The following PCM1 variants were observed in gnomAD, a reference collection of about 807,000 sequenced individuals.
The protein encoded by PCM1 is pericentriolar material 1 protein.
A neutral mutation model predicts 241.9 loss-of-function variants in PCM1; 157 were observed. The observed-to-expected ratio is 0.65, with a 90% confidence interval of 0.57 to 0.74. PCM1 has a LOEUF of 0.74. Ranked by LOEUF, PCM1 falls within the 30% of genes least tolerant of loss-of-function variation. The probability of loss-of-function intolerance (pLI) is 0.00; values close to 1 mark genes in which losing one functional copy is unlikely to be tolerated. For missense variants in PCM1, 3,478 were observed against 2,360.1 expected (o/e 1.47, Z -9.81); for synonymous variants, 1,085 against 784.9 (o/e 1.38, Z -6.39).
At chr8:17,946,058 A>T (rs531060206) in intron 6 of PCM1, among the ~76,000 whole-genome samples, 1 of 152,120 alleles carries the variant, frequency 6.6e-6, no homozygotes, top group South Asian at 2.1e-4. Flanking sequence ...TCCAGGTTGT[A>T]TTTAAATTTG....
chr8:17,938,443 C>G (rs1206937500), intron 4 of PCM1, among the ~76,000 whole-genome samples: 7 of 152,124 alleles, frequency 4.6e-5, no homozygotes, highest in South Asian at 4.1e-4. Flanking sequence ...CCTAACACTT[C>G]TTGTCTGAAA....
chr8:17,997,971 G>C (rs1035594327), intron 29 of PCM1, among the ~76,000 whole-genome samples: 2 of 151,666 alleles, frequency 1.3e-5, no homozygotes, highest in Non-Finnish European at 2.9e-5. Context: ...GGGAGGCGGA[G>C]GTTGCAGTGA....
intron 35 of PCM1, 74 bp from the exon 36 acceptor site, chr8:18,014,510 G>A (rs1022414058): frequency 8.2e-7 from 1 of 1,221,172 alleles, no homozygotes; most frequent in African/African-American, 1.5e-5. Context: ...CAGGCGTATT[G>A]TCTTTATTAG....
rs1588876179 is a variant in PCM1 at position 18,026,165 on chromosome 8, G to GAAAAAAAAAAAA, written c.6049+510_6049+511insAAAAAAAAAAAA. ...GGTGAAAGAGCGAGACTCCCTCTCTGAAACAAAAAAAAAAAAAAAAAAAAA... is the reference window on the plus strand; with the variant it reads ...GGTGAAAGAGCGAGACTCCCTCTCTGAAAAAAAAAAAAAAACAAAAAAAAAAAAAAAAAAAAA... On this transcript the variant is annotated intron_variant, in intron 38 of 38. Transcript: ENST00000325083. Among the ~76,000 whole-genome samples, 2 of 3,574 alleles carry GAAAAAAAAAAAA rather than the reference G, an allele frequency of 5.6e-4. 1 individual carries two copies. Among genetic ancestry groups the GAAAAAAAAAAAA allele is most frequent in the Admixed American group, 8.3e-3 (2 of 240 alleles). 2.3% of individuals were successfully genotyped at this position (3,574 alleles called of 152,430 possible).
chr8:18,012,509 C>T (rs1472124038), intron 34 of PCM1, among the ~76,000 whole-genome samples: 1 of 152,008 alleles, frequency 6.6e-6, no homozygotes, highest in Admixed American at 6.6e-5. Context: ...TGGTGCTATC[C>T]ACAGTTTTGG....
intron 10 of PCM1, 190 bp downstream of exon 10, chr8:17,955,843 A>G: frequency 1.7e-6 from 1 of 590,950 alleles, no homozygotes; most frequent in East Asian, 2.8e-5. Context: ...ATGTGATGTA[A>G]CATAGTTTCT....
At position 17,953,206 on chromosome 8, in the gene PCM1, C is replaced by T. The variant is rs950711808; in HGVS notation, c.1288+20C>T. The stretch of plus-strand genomic sequence containing the variant: ...CATCATGTGAGTAAATCTGGTTCAG[C>T]AGTATTGGGTATAAGACACACAAGT... On this transcript the variant is annotated intron_variant, in intron 9 of 38. Transcript: ENST00000325083. 1.0e-5 allele frequency: 14 copies of T among 1,355,746 alleles called. No homozygotes were observed. The African/African-American group carries it at 1.1e-4, about 11-fold the overall frequency. The allele number at this position is 1,355,746 out of a possible 1,614,324, so 84.0% of individuals were successfully genotyped here.
At chr8:18,025,171 C>T (rs10503608) in intron 36 of PCM1, 190 bp from the exon 37 acceptor site, 8,886 of 165,094 alleles carry the variant, frequency 0.054, 976 homozygotes, top group African/African-American at 0.26. Context: ...ATGGTAACAG[C>T]TTGACAGTAT....
Position 17,928,616 on chromosome 8 carries a change from C to CTTTTTTTTTTTTTTTTTTTTTTTTTTT in PCM1, c.-23+3838_-23+3864dup, listed in dbSNP as rs71215287. ...TCTTCTGCATTTTTAGTATCTCCCTCTTTTTTTTTTTTTTTTTTTTTTTTT... is the reference window on the plus strand; with the variant it reads ...TCTTCTGCATTTTTAGTATCTCCCTCTTTTTTTTTTTTTTTTTTTTTTTTTTTTTTTTTTTTTTTTTTTTTTTTTTTT... On this transcript the variant is annotated intron_variant, in intron 2 of 38. Transcript: ENST00000325083. Among the ~76,000 whole-genome samples the CTTTTTTTTTTTTTTTTTTTTTTTTTTT allele has an allele frequency of 4.8e-5, 4 of 82,570 alleles. 2 individuals carry two copies. Among genetic ancestry groups the CTTTTTTTTTTTTTTTTTTTTTTTTTTT allele is most frequent in the Non-Finnish European group, 9.4e-5 (4 of 42,412 alleles). The allele number at this position is 82,570 out of a possible 152,430, so 54.2% of individuals were successfully genotyped here.
intron 22 of PCM1, among the ~76,000 whole-genome samples, chr8:17,971,326 C>T (rs73571774): frequency 0.033 from 5,033 of 152,222 alleles, 116 homozygotes; most frequent in African/African-American, 0.061. Flanking sequence ...TTGTTGTTCA[C>T]GCTAGGTTCT....
rs201336252 is a variant in PCM1 at position 17,957,405 on chromosome 8, C to G, written c.1788C>G (p.Asn596Lys). 3.7e-4 allele frequency: 604 copies of G among 1,612,262 alleles called. 10 individuals are homozygous for G. In the South Asian group the frequency reaches 6.1e-3, roughly 16 times the overall value. ...NRSAANIRAL[N>K]MPPSLDCRYN... ...CTGCTGCCAACATAAGGGCTCTAAA[C>G]ATGCCTCCTTCTTTAGGTATGACTG... The change falls in exon 12 of 39, where the codon AAC becomes AAG. Residue 596 changes from asparagine to lysine, a missense_variant. Transcript: ENST00000325083.
At chr8:17,983,300 G>A in intron 24 of PCM1, 1 of 1,319,396 alleles carries the variant, frequency 7.6e-7, no homozygotes, top group Non-Finnish European at 9.9e-7. Context: ...GTAACAATCT[G>A]CGTAGTTTTG....
intron 2 of PCM1, chr8:17,934,884 T>G (rs2060002349): frequency 6.6e-6 from 1 of 152,216 alleles, no homozygotes; most frequent in South Asian, 2.1e-4. Context: ...CCTTTCTTGA[T>G]TTTCACATGT....
In PCM1 at chr8:17,980,658, G is replaced by A. The variant is rs371537624; in HGVS notation, c.4011G>A (p.Gln1337=). 11 of 1,613,434 alleles carry A rather than the reference G, an allele frequency of 6.8e-6. No individual in the cohort carries two copies. In the Middle Eastern group the frequency reaches 5.0e-4, roughly 73 times the overall value. The change falls in exon 24 of 39, where the codon CAG becomes CAA. Residue 1337 remains glutamine, a synonymous_variant. Coordinates refer to ENST00000325083, the MANE Select transcript of PCM1 (RefSeq NM_006197.4). ...AAAGTAGGAACAGACATTCAGCCCA[G>A]ACTGAAGAGCCTGTTCAAGCAAAAG... is the stretch of plus-strand genomic sequence containing the variant. ...PCKSRNRHSA[Q]TEEPVQAKVF... is the part of the protein sequence containing the mutation.
chr8:17,992,293 A>G (rs1357199447), intron 28 of PCM1, among the ~76,000 whole-genome samples: 5 of 152,170 alleles, frequency 3.3e-5, no homozygotes, highest in Non-Finnish European at 7.4e-5. Flanking sequence ...TGGTGGATCT[A>G]CTTTCAGTTG....
chr8:17,946,312 A>G (rs1052576166), intron 6 of PCM1, among the ~76,000 whole-genome samples: 2 of 152,198 alleles, frequency 1.3e-5, no homozygotes, highest in African/African-American at 4.8e-5. Context: ...GATGACGAAT[A>G]TAAAATTCGT....
At chr8:18,015,251 T>TA (rs34076308) in intron 36 of PCM1, among the ~76,000 whole-genome samples, 82,860 of 145,148 alleles carry the variant, frequency 0.57, 23,389 homozygotes, top group Middle Eastern at 0.66. Flanking sequence ...CAGTGAATGA[T>TA]AAAAAAAAAA....
In PCM1 at chr8:17,966,044, T is replaced by G; in HGVS notation, c.2901T>G (p.Pro967=). 1 of 1,613,416 alleles carries G rather than the reference T, an allele frequency of 6.2e-7. No homozygotes were observed. The highest frequency in any genetic ancestry group is 8.5e-7 in the Non-Finnish European group (1 of 1,179,702). The change falls in exon 19 of 39, where the codon CCT becomes CCG. Residue 967 remains proline, a synonymous_variant. Coordinates refer to ENST00000325083, the MANE Select transcript of PCM1 (RefSeq NM_006197.4). ...TTTCGGCAGATGAAAATTATCGTCC[T>G]TTAGCCAAGACAAGGCAACAGAATA... ...CPFSADENYR[P]LAKTRQQNIS... is the part of the protein sequence containing the mutation.
chr8:17,940,522 A>G (rs1314262348), intron 6 of PCM1, among the ~76,000 whole-genome samples: 1 of 152,208 alleles, frequency 6.6e-6, no homozygotes, highest in Non-Finnish European at 1.5e-5. Flanking sequence ...ATTACTTAGC[A>G]TGTAGTCTTT....
Sources: gnomAD v4.1 joint callset for allele counts (sites outside exome capture counted in the v4.1 genomes callset) on GRCh38, gnomAD v4.1.1 for gene constraint, MANE v1.5 for transcripts, NCBI Gene and HGNC (gene_info 2026-07-23, HGNC 2026-07-21) for gene names.